The following CNTN5 variants were observed in gnomAD, a reference collection of about 807,000 sequenced individuals.
The protein encoded by CNTN5 is contactin-5.
In CNTN5, 77 loss-of-function variants were observed where a neutral mutation model predicts 129.1. The ratio of observed to expected loss-of-function variants is 0.60; its 90% CI spans 0.50 to 0.72. The LOEUF (loss-of-function observed/expected upper bound fraction) is 0.72, where lower values mean the gene tolerates loss of function less well. Ranked by LOEUF, CNTN5 falls within the 30% of genes least tolerant of loss-of-function variation. The pLI is 0.00. For synonymous variants in CNTN5, 509 were observed against 465.6 expected (o/e 1.09, Z -1.20); for missense variants, 1,478 against 1,328.8 (o/e 1.11, Z -1.75).
chr11:99,652,812 T>C (rs1440664028), intron 3 of CNTN5, among the ~76,000 whole-genome samples: 1 of 152,080 alleles, frequency 6.6e-6, no homozygotes, highest in Non-Finnish European at 1.5e-5. Flanking sequence ...AGTAATATAC[T>C]GAATATGTGC....
At chr11:100,351,434 T>C (rs58267865) in intron 24 of CNTN5, among the ~76,000 whole-genome samples, 15,848 of 150,450 alleles carry the variant, frequency 0.11, 899 homozygotes, top group Non-Finnish European at 0.12. Context: ...AACAATCATA[T>C]GAGATAGGTG....
At chr11:99,615,760 T>TG (rs1053818387) in intron 3 of CNTN5, among the ~76,000 whole-genome samples, 1 of 151,884 alleles carries the variant, frequency 6.6e-6, no homozygotes, top group Non-Finnish European at 1.5e-5. Flanking sequence ...ACATCTTGTT[T>TG]TTTTTTTTTA....
chr11:99,572,579 G>A (rs1370660180), intron 3 of CNTN5, among the ~76,000 whole-genome samples: 3 of 152,042 alleles, frequency 2.0e-5, no homozygotes, highest in South Asian at 2.1e-4. Flanking sequence ...TCCTTAACAC[G>A]GAAATGATCA....
intron 2 of CNTN5, among the ~76,000 whole-genome samples, chr11:99,444,705 C>T (rs1038055196): frequency 6.3e-4 from 96 of 152,076 alleles, no homozygotes; most frequent in African/African-American, 2.3e-3. Flanking sequence ...TACTTACATA[C>T]ATATATGTAT....
intron 1 of CNTN5, among the ~76,000 whole-genome samples, chr11:99,184,894 G>C (rs7107630): frequency 0.7 from 105,906 of 151,916 alleles, 37,120 homozygotes; most frequent in East Asian, 0.86. Context: ...TAAAAGACTA[G>C]TCATTGGTTT....
chr11:100,338,178 T>G (rs1482182079), intron 21 of CNTN5, among the ~76,000 whole-genome samples: 2 of 152,244 alleles, frequency 1.3e-5, no homozygotes, highest in Non-Finnish European at 2.9e-5. Context: ...GTAACTTCCT[T>G]CTTCCTCCTT....
chr11:99,953,178 C>T (rs1283011087), intron 7 of CNTN5, among the ~76,000 whole-genome samples: 2 of 152,106 alleles, frequency 1.3e-5, no homozygotes, highest in African/African-American at 4.8e-5. Context: ...GTTAATGGCA[C>T]TGCAGTTAAG....
At chr11:99,676,839 A>T (rs1383559061) in intron 3 of CNTN5, among the ~76,000 whole-genome samples, 2 of 152,196 alleles carry the variant, frequency 1.3e-5, no homozygotes, top group Non-Finnish European at 2.9e-5. Flanking sequence ...TAAAAGTGTG[A>T]TAAATTAAGG....
At chr11:99,857,961 T>G (rs554211565) in intron 6 of CNTN5, among the ~76,000 whole-genome samples, 1 of 152,160 alleles carries the variant, frequency 6.6e-6, no homozygotes, top group Non-Finnish European at 1.5e-5. Context: ...TGAAAATGTA[T>G]GTGCAAATGT....
Position 100,042,879 on chromosome 11 carries a change from A to G in CNTN5, c.981-18333A>G, listed in dbSNP as rs566302234. 8.5e-5 allele frequency among the ~76,000 whole-genome samples: 13 copies of G among 152,316 alleles called. No individual in the cohort carries two copies. In the South Asian group the frequency reaches 2.7e-3, roughly 32 times the overall value. ...AAAACCTCCTATATCTTCAAGTTGC[A>G]TTGCTTATTGTAGATGAAAATCAAA... On this transcript the variant is annotated intron_variant, in intron 9 of 24. Coordinates refer to ENST00000524871, the MANE Select transcript of CNTN5 (RefSeq NM_014361.4).
chr11:99,739,253 C>T (rs3949095), intron 3 of CNTN5, among the ~76,000 whole-genome samples: 34,288 of 151,942 alleles, frequency 0.23, 4,235 homozygotes, highest in Admixed American at 0.35. Flanking sequence ...GCTCAAGTTG[C>T]CCGTCTTAAA....
intron 3 of CNTN5, among the ~76,000 whole-genome samples, chr11:99,572,964 T>C (rs1187838773): frequency 1.3e-5 from 2 of 152,056 alleles, no homozygotes; most frequent in Non-Finnish European, 2.9e-5. Flanking sequence ...GAGCCAGCAA[T>C]AGAGATAAAG....
intron 2 of CNTN5, among the ~76,000 whole-genome samples, chr11:99,461,562 T>G (rs1944698794): frequency 6.6e-6 from 1 of 152,170 alleles, no homozygotes; most frequent in Admixed American, 6.5e-5. Context: ...GTTTAATAAT[T>G]AGAAATAAAC....
intron 13 of CNTN5, among the ~76,000 whole-genome samples, chr11:100,107,718 A>AAAT (rs1352861989): frequency 6.6e-6 from 1 of 152,102 alleles, no homozygotes; most frequent in African/African-American, 2.4e-5. Flanking sequence ...ATCAATCAAT[A>AAAT]AATTGTTATG....
chr11:99,849,641 A>T (rs967382760), intron 6 of CNTN5, among the ~76,000 whole-genome samples: 1 of 152,134 alleles, frequency 6.6e-6, no homozygotes, highest in Non-Finnish European at 1.5e-5. Flanking sequence ...ACCAGATAGT[A>T]AAAAATATTT....
intron 1 of CNTN5, among the ~76,000 whole-genome samples, chr11:99,226,073 CA>C (rs1368548962): frequency 2.0e-5 from 3 of 152,102 alleles, no homozygotes; most frequent in Non-Finnish European, 4.4e-5. Flanking sequence ...AACTATTAAG[CA>C]AATTTAAGAG....
chr11:100,130,112 C>T (rs1205899704), intron 13 of CNTN5, among the ~76,000 whole-genome samples: 1 of 152,126 alleles, frequency 6.6e-6, no homozygotes, highest in African/African-American at 2.4e-5. Flanking sequence ...CATATACACA[C>T]ACCATATTCA....
At chr11:99,645,366 A>G (rs1195360924) in intron 3 of CNTN5, among the ~76,000 whole-genome samples, 1 of 151,758 alleles carries the variant, frequency 6.6e-6, no homozygotes, top group Non-Finnish European at 1.5e-5. Flanking sequence ...ATAATTGCCT[A>G]ATGTATATAC....
At chr11:99,740,136 G>GT (rs1565479639) in intron 3 of CNTN5, among the ~76,000 whole-genome samples, 2 of 152,052 alleles carry the variant, frequency 1.3e-5, no homozygotes, top group Admixed American at 6.6e-5. Context: ...AAGCAAAAGT[G>GT]TTTTTCAAAT....
Sources: gnomAD v4.1 joint callset for allele counts (sites outside exome capture counted in the v4.1 genomes callset) on GRCh38, gnomAD v4.1.1 for gene constraint, MANE v1.5 for transcripts, NCBI Gene and HGNC (gene_info 2026-07-23, HGNC 2026-07-21) for gene names.